The following PABPC4L variants were observed in gnomAD, a reference collection of about 807,000 sequenced individuals.
PABPC4L encodes polyadenylate-binding protein 4-like.
For missense variants in PABPC4L, 452 were observed against 451.4 expected (o/e 1.00, Z -0.01); for synonymous variants, 169 against 164.1 (o/e 1.03, Z -0.23).
chr4:133,950,050 C>T, the PABPC4L span, among the ~76,000 whole-genome samples: 1 of 152,096 alleles, frequency 6.6e-6, no homozygotes, highest in African/African-American at 2.4e-5. Context: ...GAGTTTGATT[C>T]ATTCTCTCTA....
the PABPC4L span, among the ~76,000 whole-genome samples, chr4:134,149,749 A>G: frequency 3.5e-4 from 53 of 152,302 alleles, no homozygotes; most frequent in African/African-American, 1.3e-3. Flanking sequence ...TAGTCAAGCT[A>G]AGGAGAACTT....
Position 134,200,569 on chromosome 4 carries a change from C to G in PABPC4L, c.451G>C (p.Asp151His). 6.4e-7 allele frequency: 1 copy of G among 1,551,644 alleles called. No individual in the cohort carries two copies. The highest frequency in any genetic ancestry group is 1.7e-4 in the Middle Eastern group (1 of 5,992). Residue 151 changes from aspartate (D) to histidine (H), a missense_variant, in exon 2 of 2, where the codon GAC becomes CAC. By Grantham distance (81) the Asp-to-His change is moderately conservative. Coordinates refer to ENST00000421491, the MANE Select transcript of PABPC4L (RefSeq NM_001114734.2). ...FVHFQNQSAA[D>H]RAIEEMNGKL... is the part of the protein sequence containing the mutation. ...CCATTCATCTCCTCAATGGCCCTGT[C>G]TGCAGCACTCTGGTTCTGAAAGTGC...
the PABPC4L span, among the ~76,000 whole-genome samples, chr4:134,162,327 A>G: frequency 7.2e-5 from 11 of 152,152 alleles, no homozygotes; most frequent in South Asian, 4.1e-4. Context: ...AATCCTAAAT[A>G]TATATGCACC....
the PABPC4L span, among the ~76,000 whole-genome samples, chr4:134,003,235 G>A: frequency 6.6e-6 from 1 of 151,914 alleles, no homozygotes; most frequent in Non-Finnish European, 1.5e-5. Flanking sequence ...AGGAGAATAT[G>A]CCTAACACCT....
At chr4:134,048,288 A>G in the PABPC4L span, among the ~76,000 whole-genome samples, 5 of 152,258 alleles carry the variant, frequency 3.3e-5, no homozygotes, top group South Asian at 1.0e-3. Flanking sequence ...AATAGCCCAG[A>G]TATTTCTTCC....
At chr4:134,181,464 C>G in the PABPC4L span, among the ~76,000 whole-genome samples, 1 of 151,974 alleles carries the variant, frequency 6.6e-6, no homozygotes, top group Admixed American at 6.6e-5. Flanking sequence ...TGGAACAAAA[C>G]AAGGTTGCCC....
chr4:133,996,470 A>T, the PABPC4L span, among the ~76,000 whole-genome samples: 231 of 152,274 alleles, frequency 1.5e-3, no homozygotes, highest in Non-Finnish European at 2.9e-3. Flanking sequence ...GTACTTTTAT[A>T]TACTGTTGCT....
chr4:134,115,108 T>A, the PABPC4L span, among the ~76,000 whole-genome samples: 5 of 151,878 alleles, frequency 3.3e-5, no homozygotes, highest in African/African-American at 1.2e-4. Flanking sequence ...TTTACTCAGC[T>A]CCTCTTTCCT....
chr4:134,113,989 T>C, the PABPC4L span, among the ~76,000 whole-genome samples: 2 of 151,900 alleles, frequency 1.3e-5, no homozygotes, highest in African/African-American at 4.8e-5. Flanking sequence ...ATCTGGGTGT[T>C]ATGATAAATT....
chr4:134,185,920 T>G, the PABPC4L span, among the ~76,000 whole-genome samples: 1 of 152,006 alleles, frequency 6.6e-6, no homozygotes, highest in South Asian at 2.1e-4. Flanking sequence ...AAATCATGAG[T>G]GAACTCCCAT....
chr4:134,190,569 A>AT, the PABPC4L span, among the ~76,000 whole-genome samples: 1 of 152,072 alleles, frequency 6.6e-6, no homozygotes, highest in African/African-American at 2.4e-5. Flanking sequence ...AAGACTACAA[A>AT]TAAATCATAA....
the PABPC4L span, among the ~76,000 whole-genome samples, chr4:134,107,424 A>C: frequency 6.6e-6 from 1 of 151,656 alleles, no homozygotes; most frequent in African/African-American, 2.4e-5. Flanking sequence ...TGTTTAATTT[A>C]GTTAAAACGT....
chr4:134,147,767 TTG>T, the PABPC4L span, among the ~76,000 whole-genome samples: 2 of 151,502 alleles, frequency 1.3e-5, no homozygotes, highest in Non-Finnish European at 2.9e-5. Flanking sequence ...GTTGTTGTTG[TTG>T]TTTTTTCCTA....
chr4:134,169,282 G>T, the PABPC4L span, among the ~76,000 whole-genome samples: 1 of 151,932 alleles, frequency 6.6e-6, no homozygotes, highest in Admixed American at 6.6e-5. Flanking sequence ...AACAAACTGG[G>T]TGTAGAAGGA....
the PABPC4L span, among the ~76,000 whole-genome samples, chr4:134,018,975 C>T: frequency 1.3e-5 from 2 of 151,940 alleles, no homozygotes; most frequent in Admixed American, 1.3e-4. Flanking sequence ...TGTGTTATTT[C>T]CCTTCCAAGT....
chr4:134,066,705 G>A, the PABPC4L span, among the ~76,000 whole-genome samples: 2 of 151,916 alleles, frequency 1.3e-5, no homozygotes, highest in South Asian at 2.1e-4. Context: ...TTATTTTGAG[G>A]TATGTTCCTT....
chr4:134,109,147 G>T, the PABPC4L span, among the ~76,000 whole-genome samples: 2 of 151,792 alleles, frequency 1.3e-5, no homozygotes, highest in African/African-American at 4.8e-5. Context: ...AGGTAGAAAA[G>T]CAAGATGCAA....
the PABPC4L span, among the ~76,000 whole-genome samples, chr4:134,090,814 T>C: frequency 2.6e-5 from 4 of 151,870 alleles, no homozygotes; most frequent in Non-Finnish European, 5.9e-5. Flanking sequence ...AATGATGCAA[T>C]AGTGAATAGT....
the PABPC4L span, among the ~76,000 whole-genome samples, chr4:134,013,027 G>A: frequency 1.4e-3 from 212 of 152,076 alleles, no homozygotes; most frequent in Non-Finnish European, 2.5e-3. Context: ...ATGTTTCAGG[G>A]GTGTCAGACC....
Sources: gnomAD v4.1 joint callset for allele counts (sites outside exome capture counted in the v4.1 genomes callset) on GRCh38, gnomAD v4.1.1 for gene constraint, MANE v1.5 for transcripts, NCBI Gene and HGNC (gene_info 2026-07-23, HGNC 2026-07-21) for gene names.